Variants in RBFOX1 observed in about 807,000 individuals in gnomAD.
RBFOX1 encodes RNA binding protein fox-1 homolog 1.
Under a neutral mutation model 57.7 loss-of-function variants are expected in RBFOX1, and 8 were observed. The ratio of observed to expected loss-of-function variants is 0.14; its 90% CI spans 0.08 to 0.25. The LOEUF is 0.25. Among genes scored for constraint, RBFOX1 ranks in the 10% least tolerant of loss-of-function variants. RBFOX1 has a pLI of 1.00. For missense variants in RBFOX1, 611 were observed against 548.5 expected, an observed-to-expected ratio of 1.11 and a Z score of -1.14; for synonymous variants, 326 against 222.4, an observed-to-expected ratio of 1.47 and a Z score of -4.15.
At chr16:7,290,164 A>T (rs906545850) in intron 4 of RBFOX1, among the ~76,000 whole-genome samples, 1 of 152,212 alleles carries the variant, frequency 6.6e-6, no homozygotes, top group Non-Finnish European at 1.5e-5. Flanking sequence ...AAGGAGCAGG[A>T]TAAAAGATGC....
chr16:7,438,731 C>G (rs2098742036), intron 4 of RBFOX1, among the ~76,000 whole-genome samples: 1 of 152,180 alleles, frequency 6.6e-6, no homozygotes, highest in Admixed American at 6.5e-5. Flanking sequence ...CTTTATTGAG[C>G]TGAGGCTATG....
intron 3 of RBFOX1, among the ~76,000 whole-genome samples, chr16:5,737,439 T>A (rs1156597819): frequency 6.6e-6 from 1 of 151,858 alleles, no homozygotes; most frequent in Non-Finnish European, 1.5e-5. Context: ...TGAGTCGAGA[T>A]CATGCTGCTA....
intron 3 of RBFOX1, among the ~76,000 whole-genome samples, chr16:5,677,643 C>T (rs1044911886): frequency 5.9e-5 from 9 of 152,186 alleles, no homozygotes; most frequent in African/African-American, 1.2e-4. Flanking sequence ...ATATTCCCTG[C>T]GCTCATGGAA....
At chr16:5,285,970 C>G in intron 1 of RBFOX1, among the ~76,000 whole-genome samples, 1 of 152,222 alleles carries the variant, frequency 6.6e-6, no homozygotes, top group South Asian at 2.1e-4. Flanking sequence ...CAGGGTTTCA[C>G]CATGTTGGCC....
chr16:5,920,752 G>A (rs1597797594), intron 4 of RBFOX1, among the ~76,000 whole-genome samples: 1 of 152,128 alleles, frequency 6.6e-6, no homozygotes, highest in South Asian at 2.1e-4. Flanking sequence ...GATCTGAACT[G>A]GAATTAAAAC....
chr16:6,717,705 T>G (rs1265221465), intron 3 of RBFOX1, among the ~76,000 whole-genome samples: 1 of 152,120 alleles, frequency 6.6e-6, no homozygotes, highest in Non-Finnish European at 1.5e-5. Flanking sequence ...AAAGTGCCAG[T>G]CACATTGTTT....
intron 5 of RBFOX1, among the ~76,000 whole-genome samples, chr16:7,546,600 T>C (rs141400165): frequency 2.0e-3 from 311 of 152,284 alleles, no homozygotes; most frequent in Middle Eastern, 3.4e-3. Context: ...AGAAAATAGA[T>C]AAAAATGCAA....
intron 4 of RBFOX1, among the ~76,000 whole-genome samples, chr16:5,976,497 T>C (rs1272401608): frequency 6.6e-6 from 1 of 152,112 alleles, no homozygotes; most frequent in Admixed American, 6.5e-5. Flanking sequence ...AGGAAAGAAA[T>C]TCCAGGGTGG....
chr16:7,511,618 G>C (rs1236048534), intron 4 of RBFOX1, among the ~76,000 whole-genome samples: 1 of 151,484 alleles, frequency 6.6e-6, no homozygotes, highest in Non-Finnish European at 1.5e-5. Flanking sequence ...AAATTGAAAT[G>C]ACTTTTTTTT....
chr16:6,450,849 AT>A (rs2094600943), intron 2 of RBFOX1, among the ~76,000 whole-genome samples: 1 of 65,280 alleles, frequency 1.5e-5, no homozygotes, highest in Non-Finnish European at 3.1e-5. Flanking sequence ...GTATATATAT[AT>A]ATATATATAT....
intron 3 of RBFOX1, among the ~76,000 whole-genome samples, chr16:6,825,814 C>G (rs749198115): frequency 1.3e-5 from 2 of 152,152 alleles, no homozygotes; most frequent in Non-Finnish European, 2.9e-5. Context: ...AGGCAGCGAT[C>G]CTGCACAGGA....
intron 3 of RBFOX1, among the ~76,000 whole-genome samples, chr16:6,695,457 A>G (rs1211761520): frequency 6.6e-6 from 1 of 150,904 alleles, no homozygotes; most frequent in Non-Finnish European, 1.5e-5. Context: ...GGGAAAGGAA[A>G]GGAAAAGAAA....
chr16:6,054,972 C>A (rs372365534), intron 1 of RBFOX1, among the ~76,000 whole-genome samples: 1 of 151,746 alleles, frequency 6.6e-6, no homozygotes, highest in Non-Finnish European at 1.5e-5. Context: ...TTAGTAGAGA[C>A]GGGGTTTCAC....
chr16:5,478,525 A>C (rs1158244805), intron 2 of RBFOX1, among the ~76,000 whole-genome samples: 1 of 152,238 alleles, frequency 6.6e-6, no homozygotes, highest in Non-Finnish European at 1.5e-5. Flanking sequence ...ACACATACAC[A>C]TAAAACACAT....
At chr16:6,660,281 T>G (rs1418921966) in intron 3 of RBFOX1, among the ~76,000 whole-genome samples, 1 of 151,204 alleles carries the variant, frequency 6.6e-6, no homozygotes, top group Non-Finnish European at 1.5e-5. Flanking sequence ...GGAAAATAGC[T>G]AATGCATGCT....
At chr16:7,039,059 T>A (rs2045375760) in intron 3 of RBFOX1, among the ~76,000 whole-genome samples, 1 of 152,158 alleles carries the variant, frequency 6.6e-6, no homozygotes, top group Non-Finnish European at 1.5e-5. Context: ...TCAGAAGTGC[T>A]CACTAAATGT....
intron 4 of RBFOX1, among the ~76,000 whole-genome samples, chr16:7,460,417 G>GTGTGTGTA (rs36087873): frequency 1.6e-5 from 2 of 125,404 alleles, no homozygotes; most frequent in African/African-American, 3.1e-5. Context: ...GTGTGTGTGT[G>GTGTGTGTA]TATATACATA....
chr16:7,560,810 G>A (rs1183639339), intron 5 of RBFOX1, among the ~76,000 whole-genome samples: 1 of 152,190 alleles, frequency 6.6e-6, no homozygotes, highest in Admixed American at 6.5e-5. Flanking sequence ...CATTTTAAGA[G>A]TTTGGACTTT....
chr16:5,587,026 G>C (rs539356422), intron 2 of RBFOX1, among the ~76,000 whole-genome samples: 12 of 152,320 alleles, frequency 7.9e-5, no homozygotes, highest in African/African-American at 2.6e-4. Context: ...GGCAAGTAGA[G>C]GAAAACCTGG....
Sources: gnomAD v4.1 joint callset for allele counts (sites outside exome capture counted in the v4.1 genomes callset) on GRCh38, gnomAD v4.1.1 for gene constraint, MANE v1.5 for transcripts, NCBI Gene and HGNC (gene_info 2026-07-23, HGNC 2026-07-21) for gene names.